The following PRH1 variants were observed in gnomAD, a reference collection of about 807,000 sequenced individuals.
The protein encoded by PRH1 is proline rich protein HaeIII subfamily 1, also known as salivary acidic proline-rich phosphoprotein 1/2.
In PRH1, 7 loss-of-function variants were observed where a neutral mutation model predicts 7.9. That is an observed-to-expected ratio of 0.89 (90% CI 0.50 to 1.67). PRH1 has a LOEUF of 1.67. Among genes scored for constraint, PRH1 ranks in the 40% most tolerant of loss-of-function variants. The pLI, the probability that PRH1 is intolerant of heterozygous loss-of-function variation, is 0.00. For synonymous variants in PRH1, 45 were observed against 80.8 expected, an observed-to-expected ratio of 0.56 and a Z score of 2.38; for missense variants, 109 against 223.6, an observed-to-expected ratio of 0.49 and a Z score of 3.27.
intron 1 of PRH1, among the ~76,000 whole-genome samples, chr12:11,150,462 C>G (rs1373921008): frequency 6.6e-6 from 1 of 152,110 alleles, no homozygotes; most frequent in Non-Finnish European, 1.5e-5. Flanking sequence ...AAATGTGGCA[C>G]ATATACACCA....
intron 1 of PRH1, among the ~76,000 whole-genome samples, chr12:11,028,632 TAGAAAA>T (rs1942034171): frequency 1.3e-5 from 2 of 152,304 alleles, no homozygotes; most frequent in South Asian, 4.1e-4. Flanking sequence ...AATAATCAAC[TAGAAAA>T]TATCATAATA....
At chr12:11,022,731 T>C (rs939242887) in intron 1 of PRH1, 1 of 599,568 alleles carries the variant, frequency 1.7e-6, no homozygotes, top group Non-Finnish European at 2.9e-6. Flanking sequence ...CAGCATATGC[T>C]AATAGATGAA....
At chr12:11,146,749 C>A (rs925049694) in intron 1 of PRH1, among the ~76,000 whole-genome samples, 1 of 152,062 alleles carries the variant, frequency 6.6e-6, no homozygotes, top group African/African-American at 2.4e-5. Flanking sequence ...TTTTGTGATA[C>A]AAGTTACACA....
intron 2 of PRH1, among the ~76,000 whole-genome samples, chr12:10,958,467 C>A (rs374095700): frequency 1.3e-5 from 2 of 151,802 alleles, no homozygotes; most frequent in South Asian, 4.2e-4. Flanking sequence ...GCTTCCCACC[C>A]GAGTGACAAA....
At chr12:10,896,656 G>A (rs994740813) in intron 2 of PRH1, among the ~76,000 whole-genome samples, 14 of 151,812 alleles carry the variant, frequency 9.2e-5, no homozygotes, top group Non-Finnish European at 1.2e-4. Context: ...CAGTTACTCG[G>A]GAGGCTGAGG....
intron 2 of PRH1, among the ~76,000 whole-genome samples, chr12:10,968,664 C>A (rs549668562): frequency 6.6e-6 from 1 of 152,330 alleles, no homozygotes; most frequent in East Asian, 1.9e-4. Flanking sequence ...ACGCTAGAAC[C>A]AGCCAGCTGC....
intron 2 of PRH1, among the ~76,000 whole-genome samples, chr12:10,971,312 A>T (rs1465127727): frequency 6.6e-6 from 1 of 152,204 alleles, no homozygotes; most frequent in Non-Finnish European, 1.5e-5. Context: ...AACTTTATAT[A>T]AATGGAATTA....
chr12:10,955,451 C>T (rs529791637), intron 2 of PRH1, among the ~76,000 whole-genome samples: 8 of 151,964 alleles, frequency 5.3e-5, no homozygotes, highest in East Asian at 1.9e-4. Flanking sequence ...GAGGAAAGTT[C>T]GTAGCAATAA....
At chr12:10,979,166 C>T (rs1247877009) in intron 1 of PRH1, among the ~76,000 whole-genome samples, 1 of 152,080 alleles carries the variant, frequency 6.6e-6, no homozygotes, top group African/African-American at 2.4e-5. Context: ...CTTATCACCC[C>T]AGTGATGAAA....
At chr12:10,966,868 C>A (rs1938523424) in intron 2 of PRH1, among the ~76,000 whole-genome samples, 1 of 152,182 alleles carries the variant, frequency 6.6e-6, no homozygotes, top group African/African-American at 2.4e-5. Context: ...GTAATCCCAG[C>A]ACTTTGGGAG....
chr12:10,946,178 T>C (rs139074213), intron 2 of PRH1, among the ~76,000 whole-genome samples: 62 of 152,288 alleles, frequency 4.1e-4, no homozygotes, highest in Admixed American at 2.1e-3. Context: ...AAGGTATTGA[T>C]TGGGGAAGTG....
chr12:11,075,235 G>A (rs1403086607), intron 1 of PRH1, among the ~76,000 whole-genome samples: 13 of 134,556 alleles, frequency 9.7e-5, no homozygotes, highest in African/African-American at 2.5e-4. Flanking sequence ...AAGGTGACTC[G>A]TTACTAACTC....
intron 1 of PRH1, among the ~76,000 whole-genome samples, chr12:11,070,614 G>A (rs1166314195): frequency 1.3e-5 from 2 of 152,066 alleles, no homozygotes; most frequent in Admixed American, 1.3e-4. Flanking sequence ...ACTTCCTTCA[G>A]TCTCTTCTTA....
At chr12:10,924,478 G>A (rs559338076) in intron 2 of PRH1, among the ~76,000 whole-genome samples, 2 of 152,286 alleles carry the variant, frequency 1.3e-5, no homozygotes, top group East Asian at 3.9e-4. Context: ...TCATCTGAAG[G>A]CTCAAATGGG....
intron 2 of PRH1, among the ~76,000 whole-genome samples, chr12:10,953,050 C>A (rs148720067): frequency 3.3e-5 from 5 of 152,034 alleles, no homozygotes; most frequent in Non-Finnish European, 7.4e-5. Flanking sequence ...CCCCTAAAAT[C>A]TACCAGAAAC....
chr12:10,908,820 T>C (rs1427758878), intron 2 of PRH1: 1 of 1,613,924 alleles, frequency 6.2e-7, no homozygotes, highest in Non-Finnish European at 8.5e-7. Flanking sequence ...TGTGTTTCTT[T>C]CATATCGGTC....
intron 1 of PRH1, among the ~76,000 whole-genome samples, chr12:11,038,309 T>G (rs1441939019): frequency 7.9e-5 from 12 of 152,230 alleles, no homozygotes; most frequent in Non-Finnish European, 1.3e-4. Flanking sequence ...TACCACACAT[T>G]GGCAAGAAAA....
In PRH1 at chr12:11,106,235, C is replaced by T. The variant is rs1198546922; in HGVS notation, n.124-59047G>A. Among the ~76,000 whole-genome samples, 6 of 46,682 alleles carry T rather than the reference C, an allele frequency of 1.3e-4. 3 individuals carry two copies. Among genetic ancestry groups the T allele is most frequent in the East Asian group, 1.3e-3 (4 of 3,170 alleles). 30.6% of individuals were successfully genotyped at this position (46,682 alleles called of 152,430 possible). ...GATTACAGGCGTGAGCCACCGCGCC[C>T]GGCCATAACTTATTCTTAAGAAGCT... is the stretch of plus-strand genomic sequence containing the variant. On this transcript the variant is annotated intron_variant and non_coding_transcript_variant, in intron 1 of 4. Coordinates refer to the PRH1 transcript ENST00000541977.
chr12:11,078,575 A>C lies in PRH1; in HGVS notation n.124-31387T>G, dbSNP rs1944390085. ...ATTTTCATGTGTTAGTATGCAAATAAAGCCATATTCTTTGTCATTGTTTTG... is the reference window on the plus strand; with the variant it reads ...ATTTTCATGTGTTAGTATGCAAATACAGCCATATTCTTTGTCATTGTTTTG... On this transcript the variant is annotated intron_variant and non_coding_transcript_variant, in intron 1 of 4. Transcript: ENST00000541977. 2.7e-5 allele frequency: 4 copies of C among 147,956 alleles called. No homozygotes were observed. In the South Asian group the frequency reaches 8.4e-4, roughly 31 times the overall value. 9.2% of individuals were successfully genotyped at this position (147,956 alleles called of 1,614,324 possible).
Sources: gnomAD v4.1 joint callset for allele counts (sites outside exome capture counted in the v4.1 genomes callset) on GRCh38, gnomAD v4.1.1 for gene constraint, MANE v1.5 for transcripts, NCBI Gene and HGNC (gene_info 2026-07-23, HGNC 2026-07-21) for gene names.